GPHN: variants seen among roughly 807,000 people sequenced by gnomAD.
GPHN encodes the protein gephyrin.
GPHN carries 17 observed loss-of-function variants against 95.5 expected under a neutral mutation model. The ratio of observed to expected loss-of-function variants is 0.18; its 90% CI spans 0.12 to 0.27. The LOEUF (loss-of-function observed/expected upper bound fraction) is 0.27. GPHN is among the 10% of genes least tolerant of loss of function. The probability of loss-of-function intolerance (pLI) is 1.00; values close to 1 mark genes in which losing one functional copy is unlikely to be tolerated. For synonymous variants in GPHN, 320 were observed against 322.5 expected (o/e 0.99, Z 0.08); for missense variants, 660 against 978.1 (o/e 0.67, Z 4.34).
chr14:66,509,473 T>A (rs1331505766), intron 1 of GPHN: 3 of 152,260 alleles, frequency 2.0e-5, no homozygotes, highest in Non-Finnish European at 4.4e-5. Context: ...GCATGTCTGA[T>A]TCCGTTGCGC....
the GPHN span, among the ~76,000 whole-genome samples, chr14:67,226,543 TAG>T: frequency 6.6e-6 from 1 of 152,170 alleles, no homozygotes; most frequent in Admixed American, 6.5e-5. Context: ...GTATTTTTAG[TAG>T]AGACGGGGTT....
chr14:66,980,078 G>C (rs757822316), intron 9 of GPHN, among the ~76,000 whole-genome samples: 17 of 152,112 alleles, frequency 1.1e-4, no homozygotes, highest in Non-Finnish European at 2.2e-4. Flanking sequence ...AAAGATCGCT[G>C]ATCATAGACA....
chr14:66,744,936 A>T (rs1436296072), intron 2 of GPHN, among the ~76,000 whole-genome samples: 1 of 152,134 alleles, frequency 6.6e-6, no homozygotes, highest in African/African-American at 2.4e-5. Flanking sequence ...GGTAAGGAAG[A>T]TTCGTCCCTG....
chr14:67,339,612 T>C, the GPHN span, among the ~76,000 whole-genome samples: 1 of 152,202 alleles, frequency 6.6e-6, no homozygotes. Context: ...TTCATGGACA[T>C]GCATAATTTC....
chr14:66,762,137 TA>T (rs3033908), intron 2 of GPHN, among the ~76,000 whole-genome samples: 252 of 145,448 alleles, frequency 1.7e-3, no homozygotes, highest in Middle Eastern at 3.5e-3. Context: ...TTTGAAAGGT[TA>T]AAAAAAAAAA....
At chr14:67,690,392 C>G in the GPHN span, 2 of 1,614,162 alleles carry the variant, frequency 1.2e-6, no homozygotes, top group Admixed American at 1.7e-5. Flanking sequence ...TTTAGTTTCT[C>G]TAGCAGCAGA....
intron 6 of GPHN, among the ~76,000 whole-genome samples, chr14:66,921,742 C>G (rs554153886): frequency 6.6e-6 from 1 of 151,982 alleles, no homozygotes; most frequent in Admixed American, 6.6e-5. Context: ...AAAAAGAGCC[C>G]GCATAGCCAA....
At chr14:67,108,712 GGTGTGTGTGTGTGTGTGTGTGT>G (rs3063159) in intron 13 of GPHN, among the ~76,000 whole-genome samples, 1 of 131,142 alleles carries the variant, frequency 7.6e-6, no homozygotes, top group Non-Finnish European at 1.6e-5. Context: ...TTCCCTAAGG[GGTGTGTGTGTGTGTGTGTGTGT>G]GTGTGTGTGT....
chr14:66,744,649 A>G (rs138904634), intron 2 of GPHN, among the ~76,000 whole-genome samples: 2,924 of 152,268 alleles, frequency 0.019, 37 homozygotes, highest in Middle Eastern at 0.034. Flanking sequence ...TTATTGATTA[A>G]TTGAGTGCAT....
chr14:66,684,196 T>G (rs1364882339), intron 2 of GPHN, among the ~76,000 whole-genome samples: 1 of 152,124 alleles, frequency 6.6e-6, no homozygotes, highest in African/African-American at 2.4e-5. Flanking sequence ...TGAAAGGAGT[T>G]GATGGTAAAT....
the GPHN span, chr14:67,198,379 AAACTG>A: frequency 6.7e-7 from 1 of 1,482,730 alleles, no homozygotes; most frequent in Non-Finnish European, 9.3e-7. Context: ...TTCTCAAAGA[AAACTG>A]AAAAGGATGG....
chr14:66,808,441 A>G (rs1373903941), intron 3 of GPHN, among the ~76,000 whole-genome samples: 1 of 152,220 alleles, frequency 6.6e-6, no homozygotes, highest in Non-Finnish European at 1.5e-5. Context: ...ATGATCTTGA[A>G]GGAGTTCAGT....
At chr14:67,608,837 G>A in the GPHN span, among the ~76,000 whole-genome samples, 1 of 152,178 alleles carries the variant, frequency 6.6e-6, no homozygotes, top group African/African-American at 2.4e-5. Context: ...TTTTTTACAA[G>A]AGAACTGAAT....
At chr14:66,902,410 A>C (rs1195193626) in intron 5 of GPHN, among the ~76,000 whole-genome samples, 1 of 151,856 alleles carries the variant, frequency 6.6e-6, no homozygotes, top group Non-Finnish European at 1.5e-5. Context: ...TTTTGAAAAA[A>C]AGTAGTGACA....
chr14:67,245,357 G>T, the GPHN span, among the ~76,000 whole-genome samples: 4 of 152,028 alleles, frequency 2.6e-5, no homozygotes, highest in Non-Finnish European at 4.4e-5. Context: ...GTAGTATCTC[G>T]TTGGGATTTT....
chr14:67,512,777 C>T, the GPHN span, among the ~76,000 whole-genome samples: 13 of 152,112 alleles, frequency 8.5e-5, no homozygotes, highest in African/African-American at 3.1e-4. Context: ...GGAAACTGTA[C>T]ACCAGGAAAA....
At chr14:66,806,677 G>C (rs572274571) in intron 3 of GPHN, among the ~76,000 whole-genome samples, 25 of 152,284 alleles carry the variant, frequency 1.6e-4, no homozygotes, top group African/African-American at 5.8e-4. Context: ...AATGCTGCCA[G>C]TCTCTTTGCA....
chr14:67,531,409 C>T, the GPHN span, among the ~76,000 whole-genome samples: 1 of 152,092 alleles, frequency 6.6e-6, no homozygotes, highest in Non-Finnish European at 1.5e-5. Flanking sequence ...CTCTACCACC[C>T]TCCCACAGAC....
chr14:66,777,759 G>C (rs1435710305), intron 3 of GPHN, among the ~76,000 whole-genome samples: 1 of 152,126 alleles, frequency 6.6e-6, no homozygotes, highest in Non-Finnish European at 1.5e-5. Flanking sequence ...AAAGGCCTTT[G>C]ACAAAATTCA....
Sources: gnomAD v4.1 joint callset for allele counts (sites outside exome capture counted in the v4.1 genomes callset) on GRCh38, gnomAD v4.1.1 for gene constraint, MANE v1.5 for transcripts, NCBI Gene and HGNC (gene_info 2026-07-23, HGNC 2026-07-21) for gene names.